ASTN2: variants seen among roughly 807,000 people sequenced by gnomAD.
ASTN2 encodes astrotactin-2.
In ASTN2, 54 loss-of-function variants were observed where a neutral mutation model predicts 139.8. The ratio of observed to expected loss-of-function variants is 0.39; its 90% CI spans 0.31 to 0.48. ASTN2 has a LOEUF of 0.48. ASTN2 is among the 20% of genes least tolerant of loss of function. The pLI is 0.95. For synonymous variants in ASTN2, 756 were observed against 719.5 expected, an observed-to-expected ratio of 1.05 and a Z score of -0.81; for missense variants, 1,565 against 1,725.1, an observed-to-expected ratio of 0.91 and a Z score of 1.64.
chr9:117,076,387 G>A (rs77901763), intron 5 of ASTN2, among the ~76,000 whole-genome samples: 1,746 of 151,808 alleles, frequency 0.012, 32 homozygotes, highest in East Asian at 0.095. Flanking sequence ...AATAAAGGAA[G>A]GAAAGAAGGA....
intron 3 of ASTN2, among the ~76,000 whole-genome samples, chr9:117,200,865 T>C (rs1831687385): frequency 6.6e-6 from 1 of 152,174 alleles, no homozygotes; most frequent in South Asian, 2.1e-4. Flanking sequence ...ATCAGGATGA[T>C]ACTGGCTTCA....
At chr9:117,353,882 TAGC>T (rs1445499467) in intron 1 of ASTN2, among the ~76,000 whole-genome samples, 1 of 152,172 alleles carries the variant, frequency 6.6e-6, no homozygotes, top group African/African-American at 2.4e-5. Context: ...AGACCAGCGA[TAGC>T]AGTGGGTTAG....
chr9:117,351,120 C>T (rs981004404), intron 1 of ASTN2, among the ~76,000 whole-genome samples: 8 of 152,126 alleles, frequency 5.3e-5, no homozygotes, highest in African/African-American at 1.9e-4. Flanking sequence ...ATATGGGCAA[C>T]TGGGAGCAAC....
At chr9:117,322,092 C>A (rs183743985) in intron 1 of ASTN2, among the ~76,000 whole-genome samples, 89 of 152,164 alleles carry the variant, frequency 5.8e-4, no homozygotes, top group African/African-American at 2.1e-3. Flanking sequence ...CATCTTATCC[C>A]CGGGCAAGCC....
At chr9:116,498,893 C>T (rs904070776) in intron 19 of ASTN2, among the ~76,000 whole-genome samples, 1 of 152,162 alleles carries the variant, frequency 6.6e-6, no homozygotes, top group African/African-American at 2.4e-5. Flanking sequence ...AATGCCAATA[C>T]ACTAACTCAC....
intron 20 of ASTN2, among the ~76,000 whole-genome samples, chr9:116,482,230 G>T (rs1783399696): frequency 6.6e-6 from 1 of 152,130 alleles, no homozygotes; most frequent in African/African-American, 2.4e-5. Context: ...GGAGGCTGAG[G>T]CAGGAGAATG....
Position 116,718,987 on chromosome 9 carries a change from T to TATATATATATATATATATATATATAC in ASTN2, c.2806+6783_2806+6784insGTATATATATATATATATATATATAT, listed in dbSNP as rs1828399552. ...ACCTGTATCTGTACATATATATATA[T>TATATATATATATATATATATATATAC]ATATCTGCCTATAAGTCTCTCGCTA... On this transcript the variant is annotated intron_variant, in intron 16 of 22. Transcript: ENST00000313400. Among the ~76,000 whole-genome samples the TATATATATATATATATATATATATAC allele has an allele frequency of 9.7e-5, 14 of 144,074 alleles. 1 individual carries two copies. The highest frequency in any genetic ancestry group is 2.0e-4 in the Non-Finnish European group (13 of 66,008). 94.5% of individuals were successfully genotyped at this position (144,074 alleles called of 152,430 possible). A position where few individuals can be genotyped will look rare whatever the true frequency, so the allele number is the denominator to read the frequency against.
intron 13 of ASTN2, among the ~76,000 whole-genome samples, chr9:116,791,024 AAAGAAAGAAAGAAAG>A (rs879268757): frequency 0.012 from 1,510 of 129,310 alleles, 45 homozygotes; most frequent in East Asian, 0.046. Flanking sequence ...AGAAAGAAAG[AAAGAAAGAAAGAAAG>A]AAAGAAAAGA....
At chr9:116,606,854 C>T (rs1169298096) in intron 19 of ASTN2, among the ~76,000 whole-genome samples, 1 of 152,124 alleles carries the variant, frequency 6.6e-6, no homozygotes, top group East Asian at 1.9e-4. Context: ...ATGTTGACTA[C>T]CCCTAGATCT....
chr9:116,590,996 C>A (rs1380026204), intron 19 of ASTN2, among the ~76,000 whole-genome samples: 2 of 152,238 alleles, frequency 1.3e-5, no homozygotes, highest in African/African-American at 4.8e-5. Context: ...GCCGTGCTCA[C>A]CCTTCACTTG....
intron 20 of ASTN2, among the ~76,000 whole-genome samples, chr9:116,464,415 C>A (rs982807888): frequency 2.2e-5 from 3 of 135,204 alleles, no homozygotes; most frequent in Non-Finnish European, 5.2e-5. Context: ...GACTCACTTC[C>A]ATCAATGGTA....
intron 13 of ASTN2, among the ~76,000 whole-genome samples, chr9:116,740,638 G>A (rs952698956): frequency 2.6e-5 from 4 of 151,390 alleles, no homozygotes; most frequent in African/African-American, 7.3e-5. Flanking sequence ...TCAGCCTCCC[G>A]AGTAGCTGGG....
chr9:116,453,389 C>T (rs577652321), intron 20 of ASTN2, among the ~76,000 whole-genome samples: 40 of 151,374 alleles, frequency 2.6e-4, no homozygotes, highest in Non-Finnish European at 5.0e-4. Flanking sequence ...GTCAGGAGAT[C>T]GAGACCATCC....
chr9:117,098,221 C>A (rs2132758630), intron 4 of ASTN2, among the ~76,000 whole-genome samples: 1 of 152,330 alleles, frequency 6.6e-6, no homozygotes, highest in African/African-American at 2.4e-5. Context: ...TTGTATACAA[C>A]ATCTCATTCC....
rs1230389502 is a variant in ASTN2 at position 116,948,790 on chromosome 9, T to TTTTTTTTG, written c.1889+26417_1889+26418insCAAAAAAA. Among the ~76,000 whole-genome samples the TTTTTTTTG allele has an allele frequency of 5.3e-5, 6 of 114,078 alleles. 1 individual carries two copies. In the South Asian group the frequency reaches 1.3e-3, roughly 24 times the overall value. The allele number at this position is 114,078 out of a possible 152,430, so 74.8% of individuals were successfully genotyped here. Reference sequence around the variant, plus strand: ...GAGGAGAGAAATAATTTGGTGTTTTTTTTTTTTTTTTTTTTTTTTTGAGAA... The same window carrying TTTTTTTTG: ...GAGGAGAGAAATAATTTGGTGTTTTTTTTTTTTGTTTTTTTTTTTTTTTTTTTTGAGAA... On this transcript the variant is annotated intron_variant, in intron 10 of 22. Transcript: ENST00000313400.
Position 117,129,483 on chromosome 9 carries a change from T to C in ASTN2, c.1168+11843A>G, listed in dbSNP as rs114765341. 6.8e-3 allele frequency among the ~76,000 whole-genome samples: 1,031 copies of C among 152,334 alleles called. 11 individuals are homozygous for C. The highest frequency in any genetic ancestry group is 0.023 in the African/African-American group (972 of 41,578). ...AAATTGAGGTTATAAGACATCAAGA[T>C]CCATAAACAGAATTTCTCTCTTCTT... On this transcript the variant is annotated intron_variant, in intron 4 of 22. Coordinates refer to ENST00000313400, the MANE Select transcript of ASTN2 (RefSeq NM_001365068.1).
chr9:117,413,559 A>G (rs1205103163), intron 1 of ASTN2, among the ~76,000 whole-genome samples: 1 of 152,184 alleles, frequency 6.6e-6, no homozygotes, highest in Non-Finnish European at 1.5e-5. Context: ...TAAGCTATCA[A>G]TTACCCGGGT....
At chr9:116,869,689 A>G (rs1448667893) in intron 10 of ASTN2, among the ~76,000 whole-genome samples, 2 of 152,214 alleles carry the variant, frequency 1.3e-5, no homozygotes, top group African/African-American at 4.8e-5. Context: ...AGGGCTAGAT[A>G]GTAAAGATCT....
intron 5 of ASTN2, among the ~76,000 whole-genome samples, chr9:117,041,803 A>C (rs971844407): frequency 6.6e-6 from 1 of 152,176 alleles, no homozygotes; most frequent in African/African-American, 2.4e-5. Flanking sequence ...TCATCATGTT[A>C]ACATTAGTGC....
Sources: gnomAD v4.1 joint callset for allele counts (sites outside exome capture counted in the v4.1 genomes callset) on GRCh38, gnomAD v4.1.1 for gene constraint, MANE v1.5 for transcripts, NCBI Gene and HGNC (gene_info 2026-07-23, HGNC 2026-07-21) for gene names.